Variants in CRADD observed in about 807,000 individuals in gnomAD.
CRADD encodes CARD and death domain containing adaptor protein.
A neutral mutation model predicts 15.5 loss-of-function variants in CRADD; 9 were observed. The observed-to-expected ratio is 0.58, with a 90% CI of 0.35 to 1.01. The LOEUF (loss-of-function observed/expected upper bound fraction) is 1.01. CRADD is among the 50% of genes least tolerant of loss of function. The pLI, the probability that CRADD is intolerant of heterozygous loss-of-function variation, is 0.02. For synonymous variants in CRADD, 118 were observed against 107.6 expected, an observed-to-expected ratio of 1.10 and a Z score of -0.60; for missense variants, 227 against 250.3, an observed-to-expected ratio of 0.91 and a Z score of 0.63.
chr12:93,713,413 A>G (rs1048260639), intron 2 of CRADD, among the ~76,000 whole-genome samples: 4 of 152,118 alleles, frequency 2.6e-5, no homozygotes, highest in African/African-American at 9.7e-5. Context: ...GTCACCCCTC[A>G]GTGTCCGAGG....
At chr12:93,854,992 C>T (rs1056861930), downstream of CRADD, among the ~76,000 whole-genome samples, 3 of 151,840 alleles carry the variant, frequency 2.0e-5, no homozygotes, top group Non-Finnish European at 2.9e-5. Context: ...TCCAGGAGTT[C>T]GAGACCAGCC....
At chr12:93,840,559 TC>T (rs1211710378) in intron 2 of CRADD, among the ~76,000 whole-genome samples, 1 of 45,256 alleles carries the variant, frequency 2.2e-5, no homozygotes, top group Non-Finnish European at 3.9e-5. Flanking sequence ...CTAACTAATT[TC>T]TTTTTTTTTT....
intron 2 of CRADD, among the ~76,000 whole-genome samples, chr12:93,699,996 A>G (rs1565877430): frequency 6.6e-6 from 1 of 152,176 alleles, no homozygotes; most frequent in Non-Finnish European, 1.5e-5. Flanking sequence ...GGGGAAGGGA[A>G]TAAAGTAGGG....
At chr12:93,788,240 TG>T (rs1386794812) in intron 2 of CRADD, among the ~76,000 whole-genome samples, 1 of 152,126 alleles carries the variant, frequency 6.6e-6, no homozygotes, top group African/African-American at 2.4e-5. Context: ...CTTCACAAGG[TG>T]GCAGGAGAGA....
At chr12:93,752,062 C>G (rs1956834768) in intron 2 of CRADD, among the ~76,000 whole-genome samples, 1 of 152,160 alleles carries the variant, frequency 6.6e-6, no homozygotes, top group Admixed American at 6.5e-5. Flanking sequence ...CTGTACTTGC[C>G]AAGGGTGGGG....
chr12:93,766,932 G>A (rs915082947), intron 2 of CRADD, among the ~76,000 whole-genome samples: 1 of 152,150 alleles, frequency 6.6e-6, no homozygotes, highest in Admixed American at 6.5e-5. Flanking sequence ...GAGATAGCTG[G>A]CCTAACTTAG....
chr12:93,691,552 C>T (rs968071871), intron 2 of CRADD, among the ~76,000 whole-genome samples: 2 of 152,218 alleles, frequency 1.3e-5, no homozygotes, highest in African/African-American at 4.8e-5. Flanking sequence ...CCGTGCCTGG[C>T]CAATATAAAG....
At chr12:93,881,893 G>A (rs974365675) in intron 2 of CRADD, among the ~76,000 whole-genome samples, 2 of 152,078 alleles carry the variant, frequency 1.3e-5, no homozygotes, top group Non-Finnish European at 2.9e-5. Flanking sequence ...TTGGGAGGCC[G>A]AGGCAGGCGG....
chr12:93,793,290 AACTT>A (rs1272737679), intron 2 of CRADD, among the ~76,000 whole-genome samples: 26 of 152,314 alleles, frequency 1.7e-4, no homozygotes, highest in African/African-American at 5.8e-4. Flanking sequence ...AATCCTAAAT[AACTT>A]ACTTAATAAG....
At chr12:93,867,003 G>T (rs1958373252) in intron 2 of CRADD, among the ~76,000 whole-genome samples, 1 of 152,102 alleles carries the variant, frequency 6.6e-6, no homozygotes, top group Non-Finnish European at 1.5e-5. Flanking sequence ...TTAATTTTCT[G>T]ATCACACAAA....
At chr12:93,856,322 A>G (rs1051432616) in intron 2 of CRADD, among the ~76,000 whole-genome samples, 2 of 152,246 alleles carry the variant, frequency 1.3e-5, no homozygotes, top group African/African-American at 4.8e-5. Flanking sequence ...CATTAAATGA[A>G]TAACTACAGT....
At chr12:93,791,954 C>A (rs1957354788) in intron 2 of CRADD, among the ~76,000 whole-genome samples, 1 of 150,200 alleles carries the variant, frequency 6.7e-6, no homozygotes, top group African/African-American at 2.5e-5. Flanking sequence ...TGTATGGTGG[C>A]CCAGACTGGT....
downstream of CRADD, among the ~76,000 whole-genome samples, chr12:93,854,181 C>T (rs534752912): frequency 2.2e-4 from 34 of 152,210 alleles, no homozygotes; most frequent in African/African-American, 8.2e-4. Flanking sequence ...TGGGCCAGCT[C>T]AGCTGATTTC....
At chr12:93,751,842 G>C (rs1956832154) in intron 2 of CRADD, among the ~76,000 whole-genome samples, 1 of 152,220 alleles carries the variant, frequency 6.6e-6, no homozygotes, top group Non-Finnish European at 1.5e-5. Context: ...CAGCCTGGGA[G>C]ACAGAGCAAG....
intron 2 of CRADD, among the ~76,000 whole-genome samples, chr12:93,838,365 G>GC (rs1958002876): frequency 6.6e-6 from 1 of 151,360 alleles, no homozygotes; most frequent in South Asian, 2.1e-4. Flanking sequence ...GAACAGCCCC[G>GC]CCCTACCCCT....
At chr12:93,725,867 G>A (rs948150430) in intron 2 of CRADD, among the ~76,000 whole-genome samples, 1 of 152,106 alleles carries the variant, frequency 6.6e-6, no homozygotes, top group African/African-American at 2.4e-5. Flanking sequence ...AAAACTCCCT[G>A]CCTGTAATGT....
At chr12:93,789,038 A>G (rs1957319048) in intron 2 of CRADD, among the ~76,000 whole-genome samples, 1 of 152,116 alleles carries the variant, frequency 6.6e-6, no homozygotes, top group Non-Finnish European at 1.5e-5. Context: ...CTTGGTGGTC[A>G]ACCACTTCAA....
chr12:93,827,884 C>T (rs1021512400), intron 2 of CRADD, among the ~76,000 whole-genome samples: 6 of 152,130 alleles, frequency 3.9e-5, no homozygotes, highest in Non-Finnish European at 7.4e-5. Context: ...TCCTCATTTC[C>T]CCCTTCCCCC....
In CRADD at chr12:93,824,567, T is replaced by C. The variant is rs1478607123; in HGVS notation, c.299-25403T>C. ...AAAAAATTGCTTTGAAGAGTATATT[T>C]ACTAGAGTTCAGTTTACTTAGGGAA... On this transcript the variant is annotated intron_variant, in intron 2 of 2. Transcript: ENST00000332896. The surrounding 1 kb of genome is among the most constrained non-coding windows in gnomAD (Gnocchi z 4.3). Among the ~76,000 whole-genome samples the C allele has an allele frequency of 2.0e-5, 3 of 152,206 alleles. No homozygotes were observed. Among genetic ancestry groups the C allele is most frequent in the Middle Eastern group, 6.3e-3 (2 of 316 alleles).
Sources: allele counts gnomAD v4.1 joint callset (sites outside exome capture counted in the v4.1 genomes callset), GRCh38; gene constraint gnomAD v4.1.1; non-coding constraint Gnocchi (gnomAD v3.1); transcripts MANE v1.5; gene names NCBI Gene and HGNC (gene_info 2026-07-23, HGNC 2026-07-21).